CACNA2D3: variants seen among roughly 807,000 people sequenced by gnomAD.
CACNA2D3 encodes the protein voltage-dependent calcium channel subunit alpha-2/delta-3.
CACNA2D3 carries 60 observed loss-of-function variants against 160.6 expected under a neutral mutation model. The observed-to-expected ratio is 0.37, with a 90% CI of 0.30 to 0.46. CACNA2D3 has a LOEUF of 0.46. Among genes scored for constraint, CACNA2D3 ranks in the 20% least tolerant of loss-of-function variants. The pLI, the probability that CACNA2D3 is intolerant of heterozygous loss-of-function variation, is 1.00. For synonymous variants in CACNA2D3, 558 were observed against 492.9 expected (o/e 1.13, Z -1.75); for missense variants, 1,205 against 1,365.0 (o/e 0.88, Z 1.85).
At chr3:54,903,136 A>C (rs558493036) in intron 27 of CACNA2D3, among the ~76,000 whole-genome samples, 3 of 152,222 alleles carry the variant, frequency 2.0e-5, no homozygotes, top group African/African-American at 7.2e-5. Context: ...CTTGTTGTAC[A>C]GATTATTTTA....
At chr3:54,870,976 A>G (rs1314899248) in intron 17 of CACNA2D3, among the ~76,000 whole-genome samples, 1 of 151,920 alleles carries the variant, frequency 6.6e-6, no homozygotes, top group Admixed American at 6.6e-5. Flanking sequence ...ATATGACTAG[A>G]TTCTTTGGTA....
At chr3:54,172,417 A>G (rs746210868) in intron 2 of CACNA2D3, among the ~76,000 whole-genome samples, 4 of 152,096 alleles carry the variant, frequency 2.6e-5, no homozygotes, top group Admixed American at 6.5e-5. Flanking sequence ...CCCTAAATCT[A>G]AAGACTCCCT....
intron 2 of CACNA2D3, among the ~76,000 whole-genome samples, chr3:54,221,832 TTTTTA>T (rs1701579403): frequency 6.6e-6 from 1 of 152,178 alleles, no homozygotes; most frequent in Admixed American, 6.5e-5. Context: ...GTACAGTTAC[TTTTTA>T]TTTTTTTTTC....
rs754873982 is a variant in CACNA2D3 at position 54,885,509 on chromosome 3, T to C, written c.1979T>C (p.Leu660Pro). The C allele has an allele frequency of 6.2e-7, 1 of 1,613,808 alleles. No homozygotes were observed. The highest frequency in any genetic ancestry group is 1.3e-5 in the African/African-American group (1 of 75,040). ...CTTAGGTCCTACTGCAACACTGACC[T>C]ACACCCTGAGCACCGCCATCTGTCT... ...ADEWSYCNTDLHPEHRHLSQL... is the reference protein window; with the variant it reads ...ADEWSYCNTDPHPEHRHLSQL... Residue 660 changes from leucine to proline, a missense_variant, in exon 23 of 38, where the codon CTA becomes CCA. By Grantham distance (98) the Leu-to-Pro change is moderately conservative. This residue lies in a region of CACNA2D3 where 911 missense variants were observed against 1,002.2 expected (regional missense o/e 0.91). Coordinates refer to ENST00000474759, the MANE Select transcript of CACNA2D3 (RefSeq NM_018398.3).
intron 4 of CACNA2D3, among the ~76,000 whole-genome samples, chr3:54,413,417 T>C (rs1559474764): frequency 7.2e-6 from 1 of 138,242 alleles, no homozygotes; most frequent in East Asian, 2.1e-4. Context: ...TCTATATATA[T>C]AGATATCTAT....
intron 13 of CACNA2D3, among the ~76,000 whole-genome samples, chr3:54,808,791 C>G (rs1011530788): frequency 3.3e-5 from 5 of 152,236 alleles, no homozygotes; most frequent in African/African-American, 1.2e-4. Flanking sequence ...TTCACTAACC[C>G]ACTGTGATGC....
chr3:54,464,871 T>TA (rs1360241608), intron 4 of CACNA2D3, among the ~76,000 whole-genome samples: 5 of 152,220 alleles, frequency 3.3e-5, no homozygotes, highest in Non-Finnish European at 5.9e-5. Flanking sequence ...CTGCGTCGCT[T>TA]ACGCTGGGAG....
chr3:54,301,663 G>A (rs1334667215), intron 2 of CACNA2D3, among the ~76,000 whole-genome samples: 1 of 152,118 alleles, frequency 6.6e-6, no homozygotes, highest in Non-Finnish European at 1.5e-5. Flanking sequence ...TTCCCGTACT[G>A]GTTCCACTTT....
chr3:54,402,559 T>C (rs1699488415), intron 4 of CACNA2D3, among the ~76,000 whole-genome samples: 1 of 152,176 alleles, frequency 6.6e-6, no homozygotes, highest in South Asian at 2.1e-4. Flanking sequence ...TATTTAATGA[T>C]AAAGGGCTCA....
rs113644349 is a variant in CACNA2D3, at chr3:54,917,170, A to T, written c.2449+17302A>T. ...AAATGCAAAATTTACAAAATGCATAAATCTGGAGCCAATTATTTCTATTAC... is the reference window on the plus strand; with the variant it reads ...AAATGCAAAATTTACAAAATGCATATATCTGGAGCCAATTATTTCTATTAC... On this transcript the variant is annotated intron_variant, in intron 27 of 37. Coordinates refer to ENST00000474759, the MANE Select transcript of CACNA2D3 (RefSeq NM_018398.3). 9.7e-3 allele frequency among the ~76,000 whole-genome samples: 1,478 copies of T among 152,342 alleles called. 13 individuals carry two copies. The highest frequency in any genetic ancestry group is 0.015 in the Non-Finnish European group (1,012 of 68,038).
At chr3:54,561,687 G>C (rs931475438) in intron 5 of CACNA2D3, among the ~76,000 whole-genome samples, 2 of 152,190 alleles carry the variant, frequency 1.3e-5, no homozygotes, top group African/African-American at 4.8e-5. Flanking sequence ...GCTACCATAG[G>C]TGAGGAAAAG....
intron 4 of CACNA2D3, among the ~76,000 whole-genome samples, chr3:54,401,122 A>G (rs953368194): frequency 2.6e-5 from 4 of 152,074 alleles, no homozygotes; most frequent in Admixed American, 1.3e-4. Flanking sequence ...GAAAACTTCA[A>G]CATCAGACTA....
intron 2 of CACNA2D3, among the ~76,000 whole-genome samples, chr3:54,296,059 G>C (rs6445640): frequency 0.21 from 31,553 of 152,142 alleles, 3,456 homozygotes; most frequent in South Asian, 0.32. Context: ...GGCTGTGTCC[G>C]CCTTTGCCCA....
rs527581738 is a variant in CACNA2D3, at chr3:54,759,738, C to T, written c.1247-4480C>T. On this transcript the variant is annotated intron_variant, in intron 12 of 37. Coordinates refer to ENST00000474759, the MANE Select transcript of CACNA2D3 (RefSeq NM_018398.3). ...TTGCCCCATCCCCATCCTCAGAGTT[C>T]CCCAGCTACAATACGCAAATAGCCC... 4.6e-5 allele frequency among the ~76,000 whole-genome samples: 7 copies of T among 152,252 alleles called. No individual in the cohort carries two copies. The South Asian group carries it at 6.2e-4, about 14-fold the overall frequency.
intron 4 of CACNA2D3, among the ~76,000 whole-genome samples, chr3:54,472,999 C>G (rs73089483): frequency 1.3e-5 from 2 of 152,126 alleles, no homozygotes; most frequent in Admixed American, 1.3e-4. Flanking sequence ...ATCAAGCTAC[C>G]GTTGACTTTT....
chr3:54,622,188 G>C (rs1323451702), intron 9 of CACNA2D3, among the ~76,000 whole-genome samples: 12 of 152,176 alleles, frequency 7.9e-5, no homozygotes, highest in African/African-American at 2.9e-4. Context: ...TGAAGCCAGA[G>C]AACTAAAGCC....
In CACNA2D3 at chr3:55,033,121, G is replaced by C. The variant is rs572489010; in HGVS notation, c.2987+14804G>C. On this transcript the variant is annotated intron_variant, in intron 35 of 37. Transcript: ENST00000474759. ...AAAAGAGAAGGTGGTCCAGAGAAGG[G>C]AGGGGGCTTGCCTGAGGTCCTACAG... Among the ~76,000 whole-genome samples the C allele has an allele frequency of 4.6e-5, 7 of 152,250 alleles. No homozygotes were observed. In the South Asian group the frequency reaches 1.5e-3, roughly 32 times the overall value.
At chr3:54,889,153 A>G (rs978503580) in intron 24 of CACNA2D3, among the ~76,000 whole-genome samples, 1 of 152,194 alleles carries the variant, frequency 6.6e-6, no homozygotes, top group Non-Finnish European at 1.5e-5. Context: ...AGCCTGGAAG[A>G]TGTCAGAGGA....
At chr3:54,610,331 C>T (rs747124732) in intron 9 of CACNA2D3, among the ~76,000 whole-genome samples, 14 of 152,126 alleles carry the variant, frequency 9.2e-5, no homozygotes, top group African/African-American at 3.4e-4. Context: ...TAAAATTTTA[C>T]TTGGTTACTT....
Sources: allele counts gnomAD v4.1 joint callset (sites outside exome capture counted in the v4.1 genomes callset), GRCh38; gene constraint gnomAD v4.1.1; regional missense constraint gnomAD v4.1.1; transcripts MANE v1.5; gene names NCBI Gene and HGNC (gene_info 2026-07-23, HGNC 2026-07-21).